SORCS2: variants seen among roughly 807,000 people sequenced by gnomAD.
The protein encoded by SORCS2 is VPS10 domain-containing receptor SorCS2.
SORCS2 carries 100 observed loss-of-function variants against 141.6 expected under a neutral mutation model. That is an observed-to-expected ratio of 0.71 (90% CI 0.60 to 0.83). The LOEUF is 0.83. SORCS2 is among the 40% of genes least tolerant of loss of function. SORCS2 has a pLI of 0.00. For synonymous variants in SORCS2, 789 were observed against 676.9 expected, an observed-to-expected ratio of 1.17 and a Z score of -2.57; for missense variants, 1,646 against 1,560.2, an observed-to-expected ratio of 1.05 and a Z score of -0.93.
chr4:7,545,115 A>T (rs1049334206), intron 3 of SORCS2, among the ~76,000 whole-genome samples: 1 of 148,718 alleles, frequency 6.7e-6, no homozygotes, highest in African/African-American at 2.5e-5. Context: ...CTTAAAGTCA[A>T]TAGGTTATTG....
At chr4:7,697,329 A>C (rs1724778573) in intron 12 of SORCS2, 55 bp downstream of exon 12, 1 of 1,417,194 alleles carries the variant, frequency 7.1e-7, no homozygotes, top group Admixed American at 2.0e-5. Context: ...CGGGACCCTC[A>C]GGAGACACTT....
chr4:7,617,150 G>A (rs1239045658), intron 3 of SORCS2, among the ~76,000 whole-genome samples: 1 of 152,048 alleles, frequency 6.6e-6, no homozygotes, highest in East Asian at 1.9e-4. Flanking sequence ...CCGTCCACCC[G>A]CCATCCACCA....
intron 1 of SORCS2, among the ~76,000 whole-genome samples, chr4:7,363,307 C>T (rs549495272): frequency 6.8e-6 from 1 of 146,618 alleles, no homozygotes; most frequent in East Asian, 2.3e-4. Flanking sequence ...ACTACCTTCA[C>T]TGCCATCATT....
chr4:7,580,376 G>A lies in SORCS2; in HGVS notation c.648+48747G>A, dbSNP rs149923545. ...ATGGTGGTGCACGTTTGTAATCCCA[G>A]CTACTCAGGAGGCTGAGCCATGAGA... On this transcript the variant is annotated intron_variant, in intron 3 of 26. Transcript: ENST00000507866. Among the ~76,000 whole-genome samples the A allele has an allele frequency of 3.8e-3, 583 of 152,126 alleles. 4 individuals carry two copies. The highest frequency in any genetic ancestry group is 0.013 in the African/African-American group (548 of 41,492).
chr4:7,260,579 A>G (rs1487992517), intron 1 of SORCS2, among the ~76,000 whole-genome samples: 1 of 152,188 alleles, frequency 6.6e-6, no homozygotes. Context: ...ACCCCAAATG[A>G]TCATGGGCTG....
intron 3 of SORCS2, among the ~76,000 whole-genome samples, chr4:7,563,782 T>C (rs1316625683): frequency 2.0e-5 from 3 of 152,234 alleles, no homozygotes; most frequent in East Asian, 3.8e-4. Flanking sequence ...GTTTATCTCA[T>C]GTGCACGTAC....
intron 22 of SORCS2, 60 bp downstream of exon 22, chr4:7,728,522 C>A: frequency 7.7e-7 from 1 of 1,290,514 alleles, no homozygotes; most frequent in Non-Finnish European, 1.1e-6. Flanking sequence ...TCCAGAGAAG[C>A]CCAAGGGCCC....
At chr4:7,704,077 G>C in intron 13 of SORCS2, 100 bp from the exon 14 acceptor site, 2 of 1,016,298 alleles carry the variant, frequency 2.0e-6, no homozygotes, top group Admixed American at 4.0e-5. Flanking sequence ...AGGTTGGCTA[G>C]TGCAGCCTCC....
intron 14 of SORCS2, among the ~76,000 whole-genome samples, chr4:7,710,793 G>C (rs532629486): frequency 6.6e-6 from 1 of 152,366 alleles, no homozygotes; most frequent in South Asian, 2.1e-4. Context: ...CAGAGTCACA[G>C]CCGTACCTGG....
intron 3 of SORCS2, among the ~76,000 whole-genome samples, chr4:7,589,395 T>C (rs183894812): frequency 1.3e-4 from 2 of 14,834 alleles, no homozygotes; most frequent in African/African-American, 1.7e-4. Flanking sequence ...GACCCGTTTT[T>C]TTTGTTTGTT....
At chr4:7,456,688 C>A (rs553276836) in intron 2 of SORCS2, among the ~76,000 whole-genome samples, 7 of 152,260 alleles carry the variant, frequency 4.6e-5, no homozygotes, top group African/African-American at 1.7e-4. Flanking sequence ...TTGCTCTGGG[C>A]ACAGAGGAGA....
chr4:7,337,525 A>G (rs1720062010), intron 1 of SORCS2, among the ~76,000 whole-genome samples: 1 of 152,074 alleles, frequency 6.6e-6, no homozygotes, highest in Admixed American at 6.5e-5. Flanking sequence ...AGGGCAGCGG[A>G]GACCTGGCTT....
chr4:7,322,311 C>A (rs1718946575), intron 1 of SORCS2, among the ~76,000 whole-genome samples: 1 of 152,182 alleles, frequency 6.6e-6, no homozygotes, highest in South Asian at 2.1e-4. Context: ...GCCATGCCCC[C>A]TCTGTCCTGG....
chr4:7,402,570 T>C (rs1724660810), intron 2 of SORCS2, among the ~76,000 whole-genome samples: 1 of 152,202 alleles, frequency 6.6e-6, no homozygotes, highest in Non-Finnish European at 1.5e-5. Flanking sequence ...AGGATTTCTA[T>C]CCTGAGATTT....
chr4:7,293,896 G>A (rs548439110), intron 1 of SORCS2, among the ~76,000 whole-genome samples: 1 of 152,166 alleles, frequency 6.6e-6, no homozygotes, highest in Admixed American at 6.5e-5. Context: ...ATTCCGAGGC[G>A]CTGTCCAGCA....
chr4:7,510,293 G>C (rs1177607358), intron 2 of SORCS2, among the ~76,000 whole-genome samples: 1 of 152,216 alleles, frequency 6.6e-6, no homozygotes, highest in Non-Finnish European at 1.5e-5. Flanking sequence ...GTCCTGCGCC[G>C]GCCCCCGATT....
chr4:7,715,522 C>A (rs1272997526), intron 17 of SORCS2, among the ~76,000 whole-genome samples: 1 of 152,230 alleles, frequency 6.6e-6, no homozygotes, highest in Middle Eastern at 3.2e-3. Flanking sequence ...GAGTGAATGA[C>A]CTTAGCTCCC....
chr4:7,505,906 T>G (rs1732249849), intron 2 of SORCS2, among the ~76,000 whole-genome samples: 5 of 152,216 alleles, frequency 3.3e-5, no homozygotes, highest in Non-Finnish European at 7.3e-5. Flanking sequence ...GAATCAGGCC[T>G]GGTGTGGGAC....
At position 7,220,525 on chromosome 4, in the gene SORCS2, C is replaced by T. The variant is rs563967706; in HGVS notation, c.480+27399C>T. 7.9e-5 allele frequency among the ~76,000 whole-genome samples: 12 copies of T among 151,894 alleles called. No individual in the cohort carries two copies. In the Middle Eastern group the frequency reaches 0.014, roughly 172 times the overall value. On this transcript the variant is annotated intron_variant, in intron 1 of 26. Transcript: ENST00000507866. ...AGGGCCAGATGGAGCCAGGGGCTTG[C>T]GTGATTTTCAAGCTGATTTCTGGAA...
Sources: gnomAD v4.1 joint callset for allele counts (sites outside exome capture counted in the v4.1 genomes callset) on GRCh38, gnomAD v4.1.1 for gene constraint, MANE v1.5 for transcripts, NCBI Gene and HGNC (gene_info 2026-07-23, HGNC 2026-07-21) for gene names.